Variants in PCMT1 observed in about 807,000 individuals in gnomAD.
PCMT1 encodes protein-L-isoaspartate (D-aspartate) O-methyltransferase, also known as protein-L-isoaspartate(D-aspartate) O-methyltransferase.
In PCMT1, 9 loss-of-function variants were observed where a neutral mutation model predicts 29.2. That is an observed-to-expected ratio of 0.31 (90% confidence interval 0.19 to 0.54). The LOEUF (loss-of-function observed/expected upper bound fraction) is 0.54, where lower values mean the gene tolerates loss of function less well. Ranked by LOEUF, PCMT1 falls within the 20% of genes least tolerant of loss-of-function variation. PCMT1 has a pLI of 0.95. For synonymous variants in PCMT1, 98 were observed against 97.5 expected (o/e 1.00, Z -0.03); for missense variants, 184 against 282.2 (o/e 0.65, Z 2.49).
chr6:149,772,122 C>T (rs1207816728), intron 2 of PCMT1: 7 of 456,586 alleles, frequency 1.5e-5, no homozygotes, highest in Non-Finnish European at 3.1e-5. Context: ...TGTCAGTCGG[C>T]TGCCATGCTA....
intron 3 of PCMT1, among the ~76,000 whole-genome samples, chr6:149,786,342 C>T (rs1220262740): frequency 4.9e-5 from 5 of 101,208 alleles, no homozygotes; most frequent in Non-Finnish European, 7.4e-5. Flanking sequence ...CCCTCCCGGA[C>T]GGGGCGGCTG....
chr6:149,780,740 TTTATC>T (rs1450715577), intron 3 of PCMT1, among the ~76,000 whole-genome samples: 50 of 152,210 alleles, frequency 3.3e-4, no homozygotes, highest in Admixed American at 1.3e-4. Flanking sequence ...ATATACAACA[TTTATC>T]TATTAACTGT....
At chr6:149,758,214 T>TC (rs1786594674) in intron 1 of PCMT1, among the ~76,000 whole-genome samples, 1 of 125,888 alleles carries the variant, frequency 7.9e-6, no homozygotes, top group Non-Finnish European at 1.6e-5. Context: ...CTTTCTTTTT[T>TC]TTTTTTTTTT....
At chr6:149,787,251 A>G (rs1447631796) in intron 3 of PCMT1, among the ~76,000 whole-genome samples, 1 of 141,288 alleles carries the variant, frequency 7.1e-6, no homozygotes, top group Non-Finnish European at 1.5e-5. Flanking sequence ...TCGGCTCGGC[A>G]TCAGAGGGAG....
At chr6:149,751,432 G>T (rs1362100434) in intron 1 of PCMT1, among the ~76,000 whole-genome samples, 2 of 150,724 alleles carry the variant, frequency 1.3e-5, no homozygotes, top group Middle Eastern at 3.3e-3. Context: ...ACAGACAAAG[G>T]TAATTGAGAG....
chr6:149,772,657 A>G (rs771497620), intron 2 of PCMT1: 1 of 437,092 alleles, frequency 2.3e-6, no homozygotes. Flanking sequence ...TCTAATTTTA[A>G]CTGCTGGGTG....
chr6:149,772,565 A>G (rs542496441), intron 2 of PCMT1: 10 of 456,164 alleles, frequency 2.2e-5, no homozygotes, highest in Non-Finnish European at 2.6e-5. Flanking sequence ...CTGACTCTAC[A>G]GGAGAAGAAA....
At chr6:149,792,903 C>T (rs535140799) in intron 4 of PCMT1, among the ~76,000 whole-genome samples, 1 of 152,186 alleles carries the variant, frequency 6.6e-6, no homozygotes, top group Admixed American at 6.5e-5. Context: ...TGGCTCAGTC[C>T]TGTAATCCCA....
At chr6:149,806,764 G>GT (rs933405999) in intron 7 of PCMT1, among the ~76,000 whole-genome samples, 32 of 151,552 alleles carry the variant, frequency 2.1e-4, no homozygotes, top group Admixed American at 1.4e-3. Context: ...TGATTTTCTT[G>GT]TTTTTTTTGT....
rs770024012 is a variant in PCMT1 at position 149,802,306 on chromosome 6, A to G, written c.611A>G (p.Lys204Arg). The G allele has an allele frequency of 1.9e-6, 3 of 1,613,802 alleles. No individual in the cohort carries two copies. In the African/African-American group the frequency reaches 4.0e-5, roughly 22 times the overall value. Residue 204 changes from lysine to arginine, a missense_variant, in exon 7 of 8, where the codon AAA becomes AGA. Transcript: ENST00000464889. ...QYDKLQDGSI[K>R]MKPLMGVIYV... ...GACAAGCTACAAGATGGCAGCATCAAAATGAAGCCTCTGATGGGGGTGATA... is the reference window on the plus strand; with the variant it reads ...GACAAGCTACAAGATGGCAGCATCAGAATGAAGCCTCTGATGGGGGTGATA...
chr6:149,794,100 C>G (rs77577428), intron 5 of PCMT1, among the ~76,000 whole-genome samples: 1 of 152,064 alleles, frequency 6.6e-6, no homozygotes, highest in Admixed American at 6.6e-5. Flanking sequence ...GTCAGACTTA[C>G]CAATTTTTTT....
intron 7 of PCMT1, among the ~76,000 whole-genome samples, chr6:149,809,266 A>G (rs1419305342): frequency 6.1e-5 from 9 of 147,770 alleles, no homozygotes; most frequent in Admixed American, 1.3e-4. Context: ...CTCAAAAAAA[A>G]AAAAAAAAAA....
At chr6:149,806,329 ACT>A (rs1416434300) in intron 7 of PCMT1, among the ~76,000 whole-genome samples, 8 of 152,086 alleles carry the variant, frequency 5.3e-5, no homozygotes, top group Non-Finnish European at 1.0e-4. Flanking sequence ...CAGAAAGATA[ACT>A]CTAGCTGTTA....
At chr6:149,757,314 A>T (rs1052661057) in intron 1 of PCMT1, among the ~76,000 whole-genome samples, 1 of 152,158 alleles carries the variant, frequency 6.6e-6, no homozygotes, top group Non-Finnish European at 1.5e-5. Flanking sequence ...ATTGCAGTAG[A>T]TCTTGATGCT....
intron 7 of PCMT1, among the ~76,000 whole-genome samples, chr6:149,806,867 C>CCAA (rs1160975994): frequency 6.6e-6 from 1 of 152,202 alleles, no homozygotes; most frequent in Non-Finnish European, 1.5e-5. Context: ...GCTGGGATTA[C>CCAA]AGGCTTGAGC....
chr6:149,809,858 C>T (rs1205096189), intron 7 of PCMT1, among the ~76,000 whole-genome samples: 1 of 151,956 alleles, frequency 6.6e-6, no homozygotes, highest in African/African-American at 2.4e-5. Flanking sequence ...TTATCAATAT[C>T]ATGCTTCTTT....
chr6:149,755,197 G>A (rs1308776631), intron 1 of PCMT1, among the ~76,000 whole-genome samples: 1 of 152,112 alleles, frequency 6.6e-6, no homozygotes, highest in Admixed American at 6.6e-5. Context: ...CTTCAGTCCA[G>A]GAGTTTGAGA....
At chr6:149,764,181 T>A (rs1197679748) in intron 1 of PCMT1, among the ~76,000 whole-genome samples, 1 of 152,208 alleles carries the variant, frequency 6.6e-6, no homozygotes. Context: ...CTAAGCTATT[T>A]GAATATGTTA....
intron 3 of PCMT1, among the ~76,000 whole-genome samples, chr6:149,774,257 TGAGA>T: frequency 6.7e-6 from 1 of 150,266 alleles, no homozygotes; most frequent in Non-Finnish European, 1.5e-5. Context: ...TTTTTTTTTT[TGAGA>T]TGGAGTCTCA....
Sources: allele counts gnomAD v4.1 joint callset (sites outside exome capture counted in the v4.1 genomes callset), GRCh38; gene constraint gnomAD v4.1.1; transcripts MANE v1.5; gene names NCBI Gene and HGNC (gene_info 2026-07-23, HGNC 2026-07-21).